Variants in COL17A1 observed in about 807,000 individuals in gnomAD.
The protein encoded by COL17A1 is collagen alpha-1(XVII) chain.
In COL17A1, 181 loss-of-function variants were observed where a neutral mutation model predicts 218.4. The ratio of observed to expected loss-of-function variants is 0.83; its 90% confidence interval spans 0.73 to 0.94. COL17A1 has a LOEUF of 0.94. Ranked by LOEUF, COL17A1 falls within the 40% of genes least tolerant of loss-of-function variation. The pLI is 0.00. For synonymous variants in COL17A1, 721 were observed against 731.0 expected (o/e 0.99, Z 0.22); for missense variants, 1,924 against 1,945.9 (o/e 0.99, Z 0.21).
chr10:104,078,727 T>A, intron 2 of COL17A1, 141 bp from the exon 3 acceptor site: 1 of 1,171,078 alleles, frequency 8.5e-7, no homozygotes, highest in Non-Finnish European at 1.2e-6. Flanking sequence ...CTTTAAGGTG[T>A]GTGATCTGAC....
chr10:104,076,068 A>G (rs1564686821), intron 5 of COL17A1, among the ~76,000 whole-genome samples: 2 of 152,252 alleles, frequency 1.3e-5, no homozygotes, highest in Non-Finnish European at 2.9e-5. Context: ...CATAGCAGGT[A>G]CTGGATAAAA....
At position 104,070,524 on chromosome 10, in the gene COL17A1, G is replaced by A. The variant is rs763578030; in HGVS notation, c.509C>T (p.Ser170Leu). The change falls in exon 9 of 56, where the codon TCG becomes TTG. Residue 170 changes from serine to leucine, a missense_variant. Transcript: ENST00000648076. Reference sequence around the variant, plus strand: ...ATTCCGGGTGGGGCTCACACTTGCCGATCGACTCCCCTTGAGCAAACGCTT... The same window carrying A: ...ATTCCGGGTGGGGCTCACACTTGCCAATCGACTCCCCTTGAGCAAACGCTT... ...DVKRLLKGSRSASVSPTRNSS... is the reference protein window; with the variant it reads ...DVKRLLKGSRLASVSPTRNSS... The A allele has an allele frequency of 3.1e-6, 5 of 1,614,066 alleles. No individual in the cohort carries two copies. Among genetic ancestry groups the A allele is most frequent in the Admixed American group, 1.7e-5 (1 of 60,004 alleles).
At chr10:104,047,438 A>G (rs376697547) in intron 31 of COL17A1, among the ~76,000 whole-genome samples, 1 of 151,810 alleles carries the variant, frequency 6.6e-6, no homozygotes, top group African/African-American at 2.4e-5. Flanking sequence ...TTAGCTGTTA[A>G]TCCCACTCTT....
rs764471626 is a variant in COL17A1 at position 104,053,146 on chromosome 10, G to C, written c.1835-11C>G. The C allele has an allele frequency of 6.2e-7, 1 of 1,611,694 alleles. No individual in the cohort carries two copies. Among genetic ancestry groups the C allele is most frequent in the Admixed American group, 1.7e-5 (1 of 60,016 alleles). On this transcript the variant is annotated splice_polypyrimidine_tract_variant and intron_variant, in intron 22 of 55. Coordinates refer to ENST00000648076, the MANE Select transcript of COL17A1 (RefSeq NM_000494.4). ...CCATGCCAGGATCTCCTAAAGACAG[G>C]GATGGCCAGCCTCCAAGTCAGGATC...
intron 33 of COL17A1, among the ~76,000 whole-genome samples, chr10:104,044,421 T>C (rs1319691230): frequency 6.6e-6 from 1 of 152,168 alleles, no homozygotes; most frequent in African/African-American, 2.4e-5. Flanking sequence ...GTGGAGAACT[T>C]TCGAGAAGAG....
At chr10:104,051,651 G>A (rs906700596) in intron 24 of COL17A1, 135 bp from the exon 25 acceptor site, 25 of 1,093,120 alleles carry the variant, frequency 2.3e-5, no homozygotes, top group Non-Finnish European at 3.3e-5. Flanking sequence ...GCAGGCCAGG[G>A]GTGACCCCAG....
At chr10:104,056,867 C>T (rs2134620274) in intron 17 of COL17A1, 108 bp downstream of exon 17, 1 of 1,538,302 alleles carries the variant, frequency 6.5e-7, no homozygotes, top group East Asian at 2.4e-5. Flanking sequence ...TTCAGGTCCC[C>T]TCGCCCCCTA....
intron 55 of COL17A1, among the ~76,000 whole-genome samples, 189 bp downstream of exon 55, chr10:104,032,485 A>ACT (rs1375093094): frequency 6.6e-6 from 1 of 151,968 alleles, no homozygotes; most frequent in Non-Finnish European, 1.5e-5. Context: ...CTGCTTTGAC[A>ACT]CTCTCCTTTT....
At chr10:104,081,573 C>T (rs1231287360) in intron 1 of COL17A1, among the ~76,000 whole-genome samples, 1 of 152,180 alleles carries the variant, frequency 6.6e-6, no homozygotes, top group Non-Finnish European at 1.5e-5. Flanking sequence ...CTGCCTGGCC[C>T]CAGGTTCTGA....
In COL17A1 at chr10:104,058,419, T is replaced by C. The variant is rs886710550; in HGVS notation, c.1223-229A>G. On this transcript the variant is annotated intron_variant, in intron 15 of 55. Coordinates refer to ENST00000648076, the MANE Select transcript of COL17A1 (RefSeq NM_000494.4). ...GGTGGAAGAAAGCACTATGTTTTAA[T>C]TCTCTTATGACCTTAAACCTTAACA... is the stretch of plus-strand genomic sequence containing the variant. Among the ~76,000 whole-genome samples the C allele has an allele frequency of 2.0e-5, 3 of 152,368 alleles. 1 individual carries two copies. The highest frequency in any genetic ancestry group is 1.3e-4 in the Admixed American group (2 of 15,310).
chr10:104,076,189 G>C, intron 5 of COL17A1, 112 bp downstream of exon 5: 1 of 1,527,024 alleles, frequency 6.5e-7, no homozygotes, highest in South Asian at 1.1e-5. Context: ...AAGGAGGAGT[G>C]GGGAGAAAGG....
intron 9 of COL17A1, 51 bp from the exon 10 acceptor site, chr10:104,064,647 C>T (rs1162122088): frequency 2.0e-6 from 3 of 1,529,888 alleles, no homozygotes; most frequent in Non-Finnish European, 1.8e-6. Context: ...TCAACACTCC[C>T]TGCTGGGGAA....
chr10:104,064,410 G>C (rs551885835), intron 10 of COL17A1, 28 bp downstream of exon 10: 25 of 1,613,828 alleles, frequency 1.5e-5, no homozygotes, highest in Admixed American at 1.3e-4. Flanking sequence ...TCAGGGGTGA[G>C]AGAGGGTGTG....
At position 104,037,766 on chromosome 10, in the gene COL17A1, A is replaced by AC; in HGVS notation, c.3077dup (p.Ser1026ArgfsTer3). The AC allele has an allele frequency of 3.1e-6, 5 of 1,613,980 alleles. No individual in the cohort carries two copies. The highest frequency in any genetic ancestry group is 4.2e-6 in the Non-Finnish European group (5 of 1,179,982). ...GAACTCCGGATAGGTAAGATCTAAT[A>AC]CTGTCACCTGCCGACCAAGGAACAA... is the stretch of plus-strand genomic sequence containing the variant. On this transcript the variant is annotated frameshift_variant, in exon 46 of 56. Transcript: ENST00000648076. LOFTEE classifies it high-confidence loss of function.
rs768341440 is a variant in COL17A1, at chr10:104,078,638, T to C, written c.53-52A>G. ...TTCTTATGTAATGCACTGACACCTCTGGATCTTGGCAAGGTCTAAGCTCTG... is the reference window on the plus strand; with the variant it reads ...TTCTTATGTAATGCACTGACACCTCCGGATCTTGGCAAGGTCTAAGCTCTG... On this transcript the variant is annotated intron_variant, in intron 2 of 55. Coordinates refer to ENST00000648076, the MANE Select transcript of COL17A1 (RefSeq NM_000494.4). The C allele has an allele frequency of 3.1e-6, 5 of 1,611,730 alleles. No homozygotes were observed. In the East Asian group the frequency reaches 8.9e-5, roughly 29 times the overall value.
Position 104,076,433 on chromosome 10 carries a change from C to T in COL17A1, c.203-4G>A, listed in dbSNP as rs2086711529. 1.2e-6 allele frequency: 2 copies of T among 1,613,830 alleles called. No homozygotes were observed. The highest frequency in any genetic ancestry group is 1.7e-6 in the Non-Finnish European group (2 of 1,179,852). On this transcript the variant is annotated splice_region_variant and splice_polypyrimidine_tract_variant and intron_variant, in intron 4 of 55. Transcript: ENST00000648076. ...GCATGGCCTCGTGTGCTTCCAGCTG[C>T]AAGAGGGAAAAAGCATAAGTTCTCA... is the stretch of plus-strand genomic sequence containing the variant.
At chr10:104,046,725 T>G (rs760091029) in intron 32 of COL17A1, 22 bp downstream of exon 32, 3 of 1,613,176 alleles carry the variant, frequency 1.9e-6, no homozygotes, top group Non-Finnish European at 2.5e-6. Flanking sequence ...AGACAGCAGG[T>G]GGGAATGATC....
At chr10:104,066,425 A>T (rs939874303) in intron 9 of COL17A1, among the ~76,000 whole-genome samples, 5 of 152,242 alleles carry the variant, frequency 3.3e-5, no homozygotes, top group African/African-American at 1.2e-4. Context: ...ATCAGCCTTC[A>T]GTCTTTTGGC....
At chr10:104,055,553 T>G in intron 18 of COL17A1, 152 bp from the exon 19 acceptor site, 1 of 1,362,322 alleles carries the variant, frequency 7.3e-7, no homozygotes, top group Non-Finnish European at 1.0e-6. Context: ...ATTTGGCTAG[T>G]CCAGTGATCT....
Sources: allele counts gnomAD v4.1 joint callset (sites outside exome capture counted in the v4.1 genomes callset), GRCh38; gene constraint gnomAD v4.1.1; transcripts MANE v1.5; gene names NCBI Gene and HGNC (gene_info 2026-07-23, HGNC 2026-07-21).